TNFSF14: variants seen among roughly 807,000 people sequenced by gnomAD.
TNFSF14 encodes tumor necrosis factor ligand superfamily member 14.
A neutral mutation model predicts 22.7 loss-of-function variants in TNFSF14; 15 were observed. That is an observed-to-expected ratio of 0.66 (90% CI 0.44 to 1.02). The LOEUF (loss-of-function observed/expected upper bound fraction) is 1.02. TNFSF14 is among the 50% of genes least tolerant of loss of function. The pLI, the probability that TNFSF14 is intolerant of heterozygous loss-of-function variation, is 0.00. For missense variants in TNFSF14, 287 were observed against 326.2 expected (o/e 0.88, Z 0.93); for synonymous variants, 133 against 139.6 (o/e 0.95, Z 0.33).
At chr19:6,670,277 C>A, upstream of TNFSF14, 1 of 1,425,052 alleles carries the variant, frequency 7.0e-7, no homozygotes, top group Non-Finnish European at 9.2e-7. Flanking sequence ...GTCTCACTCT[C>A]ACTCATACAG....
At chr19:6,665,509 A>T (rs983869998) in intron 3 of TNFSF14, among the ~76,000 whole-genome samples, 159 bp from the exon 4 acceptor site, 4 of 152,032 alleles carry the variant, frequency 2.6e-5, no homozygotes, top group African/African-American at 9.7e-5. Flanking sequence ...CCCAGGTTCA[A>T]GCGATTGTCC....
rs772110780 is a variant in TNFSF14, at chr19:6,663,936, C to G, written c.*990G>C. The G allele has an allele frequency of 5.9e-5, 9 of 152,146 alleles. No homozygotes were observed. The highest frequency in any genetic ancestry group is 1.2e-4 in the Non-Finnish European group (8 of 68,032). The allele number at this position is 152,146 out of a possible 1,614,324, so 9.4% of individuals were successfully genotyped here. A position where few individuals can be genotyped will look rare whatever the true frequency, so the allele number is the denominator to read the frequency against. The stretch of plus-strand genomic sequence containing the variant: ...TCCTATTAGGGATGTCTATGCTTGG[C>G]AGTGATGAAATCAGCCATGGTGGTA... On this transcript the variant is annotated 3_prime_UTR_variant, in exon 4 of 4. Transcript: ENST00000675206.
rs915921299 is a variant in TNFSF14, at chr19:6,661,623, G to A, written c.*3303C>T. On this transcript the variant is annotated 3_prime_UTR_variant, in exon 4 of 4. Coordinates refer to ENST00000675206, the MANE Select transcript of TNFSF14 (RefSeq NM_001376887.1). The stretch of plus-strand genomic sequence containing the variant: ...TCAGCTTAAGTCCTTGAGGAAGGGG[G>A]GTGGGTGAGAGACTGCAAGCGAAGA... 6.6e-5 allele frequency: 10 copies of A among 152,222 alleles called. No individual in the cohort carries two copies. The highest frequency in any genetic ancestry group is 7.3e-5 in the Non-Finnish European group (5 of 68,032). 9.4% of individuals were successfully genotyped at this position (152,222 alleles called of 1,614,324 possible).
At position 6,669,968 on chromosome 19, in the gene TNFSF14, A is replaced by T; in HGVS notation, c.102T>A (p.Ser34Arg). The change falls in exon 1 of 4, where the codon AGT becomes AGA. Residue 34 changes from serine (S) to arginine (R), a missense_variant. Coordinates refer to ENST00000675206, the MANE Select transcript of TNFSF14 (RefSeq NM_001376887.1). ...AGAGACCCAGACCCACCCGGGCCAC[A>T]CTGCACGACTGTCTCCGGTGGCTTC... ...LGRSHRRQSC[S>R]VARVGLGLLL... 6.2e-7 allele frequency: 1 copy of T among 1,613,298 alleles called. No homozygotes were observed. The highest frequency in any genetic ancestry group is 8.5e-7 in the Non-Finnish European group (1 of 1,179,778).
At chr19:6,669,017 C>A (rs112339069) in intron 1 of TNFSF14, among the ~76,000 whole-genome samples, 1 of 152,276 alleles carries the variant, frequency 6.6e-6, no homozygotes, top group African/African-American at 2.4e-5. Flanking sequence ...GGATCCAGAC[C>A]CAGGACACAA....
chr19:6,669,811 C>G, intron 1 of TNFSF14, 40 bp downstream of exon 1: 2 of 1,601,692 alleles, frequency 1.2e-6, no homozygotes, highest in Non-Finnish European at 1.7e-6. Flanking sequence ...GGGGAGCCCC[C>G]CTCACCTCCA....
At position 6,667,048 on chromosome 19, in the gene TNFSF14, G is replaced by T. The variant is rs200500399; in HGVS notation, c.298+65C>A. 2.5e-6 allele frequency: 4 copies of T among 1,579,776 alleles called. No homozygotes were observed. The East Asian group carries it at 6.8e-5, about 27-fold the overall frequency. On this transcript the variant is annotated intron_variant, in intron 3 of 3. Coordinates refer to ENST00000675206, the MANE Select transcript of TNFSF14 (RefSeq NM_001376887.1). Reference sequence around the variant, plus strand: ...GAATGAATACACTGATATGTATGGCGTTTATCTGGTCTTCCCGAGACGCCC... The same window carrying T: ...GAATGAATACACTGATATGTATGGCTTTTATCTGGTCTTCCCGAGACGCCC...
chr19:6,669,128 G>A (rs1158296911), intron 1 of TNFSF14, among the ~76,000 whole-genome samples: 2 of 152,188 alleles, frequency 1.3e-5, no homozygotes, highest in African/African-American at 4.8e-5. Flanking sequence ...GAAGCAGACC[G>A]AGAAATTTCC....
chr19:6,667,495 C>A, intron 1 of TNFSF14, 46 bp from the exon 2 acceptor site: 1 of 1,563,298 alleles, frequency 6.4e-7, no homozygotes, highest in Non-Finnish European at 8.6e-7. Flanking sequence ...CAGCGGGGGC[C>A]ACGCCCTCGC....
rs1917233296 is a variant in TNFSF14, at chr19:6,661,308, A to G, written c.*3618T>C. 6.6e-6 allele frequency: 1 copy of G among 152,486 alleles called. No homozygotes were observed. Among genetic ancestry groups the G allele is most frequent in the Non-Finnish European group, 1.5e-5 (1 of 68,060 alleles). 9.4% of individuals were successfully genotyped at this position (152,486 alleles called of 1,614,324 possible). Reference sequence around the variant, plus strand: ...GGCGACTGAGAGACGGCTAGCGCTCAAAATTCTCTCCACCCCAAAGAAGGG... The same window carrying G: ...GGCGACTGAGAGACGGCTAGCGCTCGAAATTCTCTCCACCCCAAAGAAGGG... On this transcript the variant is annotated 3_prime_UTR_variant, in exon 4 of 4. Coordinates refer to ENST00000675206, the MANE Select transcript of TNFSF14 (RefSeq NM_001376887.1).
At chr19:6,665,472 G>T in intron 3 of TNFSF14, 122 bp from the exon 4 acceptor site, 1 of 1,112,192 alleles carries the variant, frequency 9.0e-7, no homozygotes, top group Non-Finnish European at 1.2e-6. Flanking sequence ...GTGGTGGCAT[G>T]ATCTCGGCTT....
Position 6,667,427 on chromosome 19 carries a change from T to C in TNFSF14, c.242A>G (p.Glu81Gly). 6.4e-7 allele frequency: 1 copy of C among 1,555,136 alleles called. No individual in the cohort carries two copies. Among genetic ancestry groups the C allele is most frequent in the Non-Finnish European group, 8.6e-7 (1 of 1,160,416 alleles). Residue 81 changes from glutamate (E) to glycine (G), a missense_variant, in exon 2 of 4, where the codon GAG (glutamate) becomes GGG (glycine). Glu to Gly is a moderately conservative substitution (Grantham distance 98). Coordinates refer to ENST00000675206, the MANE Select transcript of TNFSF14 (RefSeq NM_001376887.1). ...CCCTGACTCACCTTGTATCAGCTGC[T>C]CCCAGGAGCCTGCAGGTCCGTCCTG... is the stretch of plus-strand genomic sequence containing the variant. ...RLPDGPAGSWEQLIQERRSHE... is the reference protein window; with the variant it reads ...RLPDGPAGSWGQLIQERRSHE...
chr19:6,670,339 A>G, upstream of TNFSF14: 4 of 1,231,598 alleles, frequency 3.2e-6, no homozygotes, highest in Non-Finnish European at 4.2e-6. Flanking sequence ...TGGCAAGTGC[A>G]GTGGGGAGCC....
At chr19:6,665,875 T>A (rs1203114665) in intron 3 of TNFSF14, among the ~76,000 whole-genome samples, 1 of 151,606 alleles carries the variant, frequency 6.6e-6, no homozygotes, top group Non-Finnish European at 1.5e-5. Context: ...ATTCCTGTGC[T>A]CAACCGATCC....
rs35598085 is a variant in TNFSF14 at position 6,665,784 on chromosome 19, C to CGTGTGT, written c.299-440_299-435dup. Among the ~76,000 whole-genome samples the CGTGTGT allele has an allele frequency of 4.9e-3, 692 of 140,662 alleles. 4 individuals are homozygous for CGTGTGT. The highest frequency in any genetic ancestry group is 0.016 in the African/African-American group (616 of 37,800). The allele number at this position is 140,662 out of a possible 152,430, so 92.3% of individuals were successfully genotyped here. ...GTTTGTGTGTGTGTGTGCATGTGTG[C>CGTGTGT]GTGTGTGTGTGTGTGTGTGTGTGTG... On this transcript the variant is annotated intron_variant, in intron 3 of 3. Coordinates refer to ENST00000675206, the MANE Select transcript of TNFSF14 (RefSeq NM_001376887.1).
At chr19:6,667,592 G>T in intron 1 of TNFSF14, 143 bp from the exon 2 acceptor site, 1 of 855,894 alleles carries the variant, frequency 1.2e-6, no homozygotes, top group Non-Finnish European at 1.7e-6. Flanking sequence ...ACTCTCACTT[G>T]CAGACACACA....
At chr19:6,667,265 G>A (rs1917459104) in intron 2 of TNFSF14, 111 bp from the exon 3 acceptor site, 2 of 1,435,778 alleles carry the variant, frequency 1.4e-6, no homozygotes, top group Non-Finnish European at 1.8e-6. Flanking sequence ...CTTCCGGAGT[G>A]ACCCAAACTT....
chr19:6,664,900 A>G lies in TNFSF14; in HGVS notation c.*26T>C, dbSNP rs559258053. ...TCTGAGTTCTCCACGTGTCAGACCC[A>G]TGTCCAATGCACCACGCTCCTTCCT... is the stretch of plus-strand genomic sequence containing the variant. On this transcript the variant is annotated 3_prime_UTR_variant, in exon 4 of 4. Coordinates refer to ENST00000675206, the MANE Select transcript of TNFSF14 (RefSeq NM_001376887.1). The surrounding 1 kb of genome is among the most constrained non-coding windows in gnomAD (Gnocchi z 4.7). 6.4e-7 allele frequency: 1 copy of G among 1,559,382 alleles called. No individual in the cohort carries two copies. Among genetic ancestry groups the G allele is most frequent in the Non-Finnish European group, 8.7e-7 (1 of 1,147,816 alleles).
intron 2 of TNFSF14, 33 bp downstream of exon 2, chr19:6,667,380 A>C (rs1599487667): frequency 6.6e-7 from 1 of 1,522,662 alleles, no homozygotes; most frequent in Non-Finnish European, 8.8e-7. Flanking sequence ...GAATCATCAC[A>C]CCTCCTTCCC....
Sources: allele counts gnomAD v4.1 joint callset (sites outside exome capture counted in the v4.1 genomes callset), GRCh38; gene constraint gnomAD v4.1.1; non-coding constraint Gnocchi (gnomAD v3.1); transcripts MANE v1.5; gene names NCBI Gene and HGNC (gene_info 2026-07-23, HGNC 2026-07-21).